The following LRRC53 variants were observed in gnomAD, a reference collection of about 807,000 sequenced individuals.
LRRC53 encodes leucine-rich repeat-containing protein 53.
LRRC53 carries 25 observed loss-of-function variants against 13.6 expected under a neutral mutation model. The observed-to-expected ratio is 1.83, with a 90% confidence interval of 1.34 to 2.56. The LOEUF (loss-of-function observed/expected upper bound fraction) is 2.56. Ranked by LOEUF, LRRC53 falls within the 30% of genes most tolerant of loss-of-function variation. The pLI is 0.00. For synonymous variants in LRRC53, 204 were observed against 109.8 expected (o/e 1.86, Z -5.37); for missense variants, 527 against 275.8 (o/e 1.91, Z -6.45).
chr1:74,525,076 C>T, the LRRC53 span, among the ~76,000 whole-genome samples: 2 of 152,052 alleles, frequency 1.3e-5, no homozygotes, highest in Non-Finnish European at 2.9e-5. Flanking sequence ...TGAGATTCTT[C>T]AGTGTGATAA....
intron 1 of LRRC53, among the ~76,000 whole-genome samples, chr1:74,495,153 AGG>A (rs1257702877): frequency 2.4e-4 from 37 of 152,290 alleles, no homozygotes; most frequent in East Asian, 3.9e-4. Flanking sequence ...AACTCTGATA[AGG>A]GTGTATCTGT....
chr1:74,477,701 A>G (rs1037138848), intron 3 of LRRC53, among the ~76,000 whole-genome samples: 1 of 152,226 alleles, frequency 6.6e-6, no homozygotes, highest in Non-Finnish European at 1.5e-5. Flanking sequence ...ATATATCTGT[A>G]TCCCATTACC....
chr1:74,497,062 G>T (rs917822869), intron 1 of LRRC53, among the ~76,000 whole-genome samples: 3 of 152,116 alleles, frequency 2.0e-5, no homozygotes, highest in Non-Finnish European at 4.4e-5. Flanking sequence ...GTCCATCAAA[G>T]GTTTCTTTAA....
At chr1:74,514,188 C>T (rs1425417138), upstream of LRRC53, among the ~76,000 whole-genome samples, 2 of 152,140 alleles carry the variant, frequency 1.3e-5, no homozygotes, top group Non-Finnish European at 2.9e-5. Flanking sequence ...CATTTATGTC[C>T]TTGTTTATTT....
chr1:74,531,091 A>G, the LRRC53 span, among the ~76,000 whole-genome samples: 1 of 152,192 alleles, frequency 6.6e-6, no homozygotes, highest in Admixed American at 6.5e-5. Flanking sequence ...CTGGTTGCCA[A>G]GTCTTTCAGT....
the LRRC53 span, among the ~76,000 whole-genome samples, chr1:74,523,822 C>A: frequency 3.3e-5 from 5 of 152,252 alleles, 1 homozygote; most frequent in East Asian, 9.6e-4. Flanking sequence ...ATGTGCAGAA[C>A]GTGCAGGTTT....
chr1:74,524,641 C>T, the LRRC53 span, among the ~76,000 whole-genome samples: 2 of 147,802 alleles, frequency 1.4e-5, no homozygotes, highest in Admixed American at 1.4e-4. Flanking sequence ...ATACCCAAAG[C>T]TTTTACTTTT....
intron 4 of LRRC53, among the ~76,000 whole-genome samples, chr1:74,474,439 T>C (rs1668090439): frequency 6.6e-6 from 1 of 152,062 alleles, no homozygotes; most frequent in Admixed American, 6.6e-5. Flanking sequence ...TAACATATGG[T>C]TTTATTCTTA....
At chr1:74,481,635 T>A (rs1349403270) in intron 2 of LRRC53, among the ~76,000 whole-genome samples, 2 of 152,224 alleles carry the variant, frequency 1.3e-5, no homozygotes, top group Non-Finnish European at 2.9e-5. Context: ...TCCAATGAAG[T>A]CCATCATGTG....
Position 74,475,771 on chromosome 1 carries a change from T to G in LRRC53, c.944A>C (p.Asn315Thr). Residue 315 changes from asparagine to threonine, a missense_variant, in exon 4 of 5, where the codon AAC becomes ACC. Coordinates refer to ENST00000294635, the MANE Select transcript of LRRC53 (RefSeq NM_001382280.1). ...TGCTTTGCCTTGGTGGAGTTTCCAG[T>G]TAAATACAACTAAACCTAGGCAAGT... is the stretch of plus-strand genomic sequence containing the variant. ...GLTCLGLVVF[N>T]WKLHQGKANE... 1 of 634,480 alleles carries G rather than the reference T, an allele frequency of 1.6e-6. No homozygotes were observed. The highest frequency in any genetic ancestry group is 2.9e-6 in the Non-Finnish European group (1 of 346,520). The allele number at this position is 634,480 out of a possible 1,614,324, so 39.3% of individuals were successfully genotyped here.
Position 74,480,449 on chromosome 1 carries a change from A to G in LRRC53, c.608T>C (p.Leu203Pro), listed in dbSNP as rs1668431022. The G allele has an allele frequency of 1.4e-6, 1 of 717,420 alleles. No individual in the cohort carries two copies. The highest frequency in any genetic ancestry group is 2.6e-6 in the Non-Finnish European group (1 of 385,092). The allele number at this position is 717,420 out of a possible 1,614,324, so 44.4% of individuals were successfully genotyped here. Residue 203 changes from leucine to proline, a missense_variant, in exon 3 of 5, where the codon CTG becomes CCG. Transcript: ENST00000294635. ...TAAGCTCAGAAGGATTAACTGCTTC[A>G]GTGGAGTAAACACATCCGGCATGTG... ...LAHMPDVFTP[L>P]KQLILLSLDK...
intron 2 of LRRC53, 87 bp from the exon 3 acceptor site, chr1:74,481,055 C>T (rs973148564): frequency 3.3e-6 from 2 of 610,820 alleles, no homozygotes; most frequent in Non-Finnish European, 5.9e-6. Context: ...TCAATATCCT[C>T]TGAGCAATCT....
At chr1:74,534,488 T>C in the LRRC53 span, among the ~76,000 whole-genome samples, 1 of 152,106 alleles carries the variant, frequency 6.6e-6, no homozygotes, top group African/African-American at 2.4e-5. Context: ...AGGCTGTAGT[T>C]TGGAAGCCAC....
In LRRC53 at chr1:74,470,136, A is replaced by G. The variant is rs1667852807; in HGVS notation, c.3486T>C (p.Val1162=). ...CTCTAAAATTATGTACATTACTGTTAACTTCAGGATCTACTTCACTGCAAA... is the reference window on the plus strand; with the variant it reads ...CTCTAAAATTATGTACATTACTGTTGACTTCAGGATCTACTTCACTGCAAA... ...RILCSEVDPE[V]NSNVHNFREV... The change falls in exon 5 of 5, where the codon GTT becomes GTC. Residue 1162 remains valine (V), a synonymous_variant. Transcript: ENST00000294635. 1 of 400,708 alleles carries G rather than the reference A, an allele frequency of 2.5e-6. No homozygotes were observed. Among genetic ancestry groups the G allele is most frequent in the South Asian group, 1.3e-4 (1 of 7,948 alleles). The allele number at this position is 400,708 out of a possible 1,614,324, so 24.8% of individuals were successfully genotyped here. A position where few individuals can be genotyped will look rare whatever the true frequency, so the allele number is the denominator to read the frequency against.
intron 1 of LRRC53, among the ~76,000 whole-genome samples, chr1:74,497,731 A>T (rs191122891): frequency 5.9e-4 from 90 of 152,250 alleles, no homozygotes; most frequent in African/African-American, 1.8e-3. Context: ...CTCATGCTCT[A>T]ACCCACCTAC....
the LRRC53 span, among the ~76,000 whole-genome samples, chr1:74,531,734 T>C: frequency 6.6e-6 from 1 of 152,220 alleles, no homozygotes; most frequent in African/African-American, 2.4e-5. Flanking sequence ...GTTTAAGTAT[T>C]ATTGTATGTG....
chr1:74,483,025 C>A (rs1668581468), intron 2 of LRRC53, among the ~76,000 whole-genome samples: 1 of 152,188 alleles, frequency 6.6e-6, no homozygotes, highest in African/African-American at 2.4e-5. Context: ...TGGTGATATT[C>A]TTTTGCAATA....
chr1:74,492,339 GATTACT>G, intron 1 of LRRC53: 1 of 1,382,106 alleles, frequency 7.2e-7, no homozygotes, highest in Non-Finnish European at 9.5e-7. Flanking sequence ...CAACTGATTT[GATTACT>G]ATTAACAGGG....
chr1:74,520,337 G>T, the LRRC53 span, among the ~76,000 whole-genome samples: 2 of 152,086 alleles, frequency 1.3e-5, no homozygotes, highest in Non-Finnish European at 2.9e-5. Context: ...CCTCGCTTCC[G>T]ACTTTTCTGA....
Sources: gnomAD v4.1 joint callset for allele counts (sites outside exome capture counted in the v4.1 genomes callset) on GRCh38, gnomAD v4.1.1 for gene constraint, MANE v1.5 for transcripts, NCBI Gene and HGNC (gene_info 2026-07-23, HGNC 2026-07-21) for gene names.